The following CAMTA1 variants were observed in gnomAD, a reference collection of about 807,000 sequenced individuals.
CAMTA1 encodes calmodulin binding transcription activator 1, also known as calmodulin-binding transcription activator 1.
In CAMTA1, 27 loss-of-function variants were observed where a neutral mutation model predicts 170.9. That is an observed-to-expected ratio of 0.16 (90% CI 0.12 to 0.22). The LOEUF is 0.22. CAMTA1 is among the 10% of genes least tolerant of loss of function. CAMTA1 has a pLI of 1.00. For missense variants in CAMTA1, 1,619 were observed against 2,217.2 expected (o/e 0.73, Z 5.42); for synonymous variants, 833 against 891.5 (o/e 0.93, Z 1.17).
chr1:7,099,395 A>G (rs1344311407), intron 4 of CAMTA1, among the ~76,000 whole-genome samples: 1 of 152,152 alleles, frequency 6.6e-6, no homozygotes, highest in Non-Finnish European at 1.5e-5. Flanking sequence ...TACATAGTTT[A>G]GTATGTCAAA....
chr1:7,477,669 G>A lies in CAMTA1; in HGVS notation c.510+9768G>A, dbSNP rs78644238. ...ATTTTCTAGAAGATTCCCTCTTCCCGATTCCTTCCTTCACCCCTCCCCGCC... is the reference window on the plus strand; with the variant it reads ...ATTTTCTAGAAGATTCCCTCTTCCCAATTCCTTCCTTCACCCCTCCCCGCC... On this transcript the variant is annotated intron_variant, in intron 6 of 22. Coordinates refer to ENST00000303635, the MANE Select transcript of CAMTA1 (RefSeq NM_015215.4). 4.9e-3 allele frequency among the ~76,000 whole-genome samples: 745 copies of A among 152,252 alleles called. 6 individuals carry two copies. The highest frequency in any genetic ancestry group is 0.017 in the African/African-American group (703 of 41,546).
At chr1:7,290,769 C>A (rs1673013373) in intron 5 of CAMTA1, among the ~76,000 whole-genome samples, 1 of 152,096 alleles carries the variant, frequency 6.6e-6, no homozygotes, top group African/African-American at 2.4e-5. Context: ...CGGGGACTCT[C>A]CGACAGATGA....
At position 7,479,760 on chromosome 1, in the gene CAMTA1, CA is replaced by C. The variant is rs200008178; in HGVS notation, c.510+11861del. ...CTCATGTCTTTCTTTGCTGTTCCTGCAATTCTGCCTCTCTACCTAGTCCCTT... is the reference window on the plus strand; with the variant it reads ...CTCATGTCTTTCTTTGCTGTTCCTGCATTCTGCCTCTCTACCTAGTCCCTT... On this transcript the variant is annotated intron_variant, in intron 6 of 22. Coordinates refer to ENST00000303635, the MANE Select transcript of CAMTA1 (RefSeq NM_015215.4). Among the ~76,000 whole-genome samples, 633 of 152,338 alleles carry C rather than the reference CA, an allele frequency of 4.2e-3. 5 individuals are homozygous for C. The highest frequency in any genetic ancestry group is 8.6e-3 in the Admixed American group (132 of 15,296).
At chr1:7,372,273 G>C (rs2086531210) in intron 5 of CAMTA1, among the ~76,000 whole-genome samples, 1 of 152,236 alleles carries the variant, frequency 6.6e-6, no homozygotes, top group Non-Finnish European at 1.5e-5. Context: ...GGCCATTGCA[G>C]GTCCTTTAGG....
At chr1:7,621,635 T>A (rs895678543) in intron 6 of CAMTA1, among the ~76,000 whole-genome samples, 3 of 152,148 alleles carry the variant, frequency 2.0e-5, no homozygotes, top group Admixed American at 2.0e-4. Flanking sequence ...AGCCCAACAC[T>A]CTGTGTCATT....
intron 6 of CAMTA1, among the ~76,000 whole-genome samples, chr1:7,596,257 G>A (rs774476994): frequency 1.3e-5 from 2 of 152,232 alleles, no homozygotes; most frequent in African/African-American, 4.8e-5. Context: ...GGGCCTGTCT[G>A]CCCCACCCAC....
intron 3 of CAMTA1, chr1:6,874,025 A>G (rs1372404588): frequency 1.3e-5 from 2 of 152,244 alleles, no homozygotes; most frequent in Non-Finnish European, 2.9e-5. Flanking sequence ...TTGACTTAAA[A>G]TATAGGAGTT....
intron 5 of CAMTA1, among the ~76,000 whole-genome samples, chr1:7,384,346 C>A (rs1277748049): frequency 6.6e-6 from 1 of 152,194 alleles, no homozygotes; most frequent in Non-Finnish European, 1.5e-5. Context: ...GAAAGGGGAG[C>A]AAGCTGGCCA....
chr1:7,568,874 A>G (rs1166953050), intron 6 of CAMTA1, among the ~76,000 whole-genome samples: 1 of 150,250 alleles, frequency 6.7e-6, no homozygotes, highest in African/African-American at 2.5e-5. Context: ...CAACATCACC[A>G]TCATCACCGC....
intron 6 of CAMTA1, among the ~76,000 whole-genome samples, chr1:7,584,089 CT>C (rs1273804120): frequency 6.7e-6 from 1 of 150,256 alleles, no homozygotes; most frequent in African/African-American, 2.5e-5. Context: ...TCATATAACA[CT>C]TTCTTTCTTT....
At chr1:7,182,509 A>C (rs66779865) in intron 4 of CAMTA1, among the ~76,000 whole-genome samples, 20,605 of 150,294 alleles carry the variant, frequency 0.14, 2,047 homozygotes, top group African/African-American at 0.29. Flanking sequence ...AAAAAAAAAA[A>C]AAAACACTAG....
rs781375509 is a variant in CAMTA1 at position 7,767,394 on chromosome 1, T to C, written c.*903T>C. The C allele has an allele frequency of 7.2e-5, 11 of 152,782 alleles. No individual in the cohort carries two copies. Among genetic ancestry groups the C allele is most frequent in the Non-Finnish European group, 1.6e-4 (11 of 68,038 alleles). 9.5% of individuals were successfully genotyped at this position (152,782 alleles called of 1,614,324 possible). ...TGGAAGCTGTAGTAATTCTAAGGAA[T>C]CATGAACCTTGCCTGGACATTTGCC... On this transcript the variant is annotated 3_prime_UTR_variant, in exon 23 of 23. Coordinates refer to ENST00000303635, the MANE Select transcript of CAMTA1 (RefSeq NM_015215.4).
chr1:7,058,719 G>T (rs976303321), intron 3 of CAMTA1, among the ~76,000 whole-genome samples: 1 of 152,164 alleles, frequency 6.6e-6, no homozygotes, highest in Non-Finnish European at 1.5e-5. Flanking sequence ...TCTGAACATA[G>T]AGGCCAGGAC....
intron 5 of CAMTA1, among the ~76,000 whole-genome samples, chr1:7,317,699 T>C (rs970191855): frequency 1.3e-5 from 2 of 152,232 alleles, no homozygotes; most frequent in East Asian, 1.9e-4. Context: ...TGTCTGAGCC[T>C]GTGCCCTGTG....
intron 5 of CAMTA1, among the ~76,000 whole-genome samples, chr1:7,338,727 C>T (rs568459500): frequency 6.6e-6 from 1 of 152,168 alleles, no homozygotes; most frequent in Non-Finnish European, 1.5e-5. Context: ...GCCTGTGCAG[C>T]GTAGATGGAC....
At chr1:6,954,772 G>A (rs891589193) in intron 3 of CAMTA1, among the ~76,000 whole-genome samples, 5 of 152,226 alleles carry the variant, frequency 3.3e-5, no homozygotes, top group South Asian at 2.1e-4. Context: ...TGGGAGCCAC[G>A]CAGGCAGGCA....
At chr1:7,737,598 G>A in intron 15 of CAMTA1, 28 bp downstream of exon 15, 1 of 1,565,708 alleles carries the variant, frequency 6.4e-7, no homozygotes. Context: ...TGACATCTCA[G>A]AGCTTGACAG....
intron 5 of CAMTA1, among the ~76,000 whole-genome samples, chr1:7,353,105 T>C (rs561254140): frequency 3.3e-5 from 5 of 152,286 alleles, no homozygotes; most frequent in African/African-American, 1.2e-4. Context: ...AGGTCATGTG[T>C]GGGCTTGGCC....
chr1:7,422,854 T>A (rs1416111765), intron 5 of CAMTA1, among the ~76,000 whole-genome samples: 1 of 152,228 alleles, frequency 6.6e-6, no homozygotes, highest in Non-Finnish European at 1.5e-5. Flanking sequence ...ATGCTTTCCA[T>A]TGGCTCTTAG....
Sources: gnomAD v4.1 joint callset for allele counts (sites outside exome capture counted in the v4.1 genomes callset) on GRCh38, gnomAD v4.1.1 for gene constraint, MANE v1.5 for transcripts, NCBI Gene and HGNC (gene_info 2026-07-23, HGNC 2026-07-21) for gene names.